The following TRPC3 variants were observed in gnomAD, a reference collection of about 807,000 sequenced individuals.
TRPC3 encodes transient receptor potential cation channel subfamily C member 3, also known as short transient receptor potential channel 3.
A neutral mutation model predicts 90.9 loss-of-function variants in TRPC3; 54 were observed. The ratio of observed to expected loss-of-function variants is 0.59; its 90% confidence interval spans 0.48 to 0.75. The LOEUF is 0.75. Among genes scored for constraint, TRPC3 ranks in the 30% least tolerant of loss-of-function variants. TRPC3 has a pLI of 0.00. For missense variants in TRPC3, 918 were observed against 1,194.5 expected, an observed-to-expected ratio of 0.77 and a Z score of 3.41; for synonymous variants, 424 against 450.9, an observed-to-expected ratio of 0.94 and a Z score of 0.75.
intron 1 of TRPC3, among the ~76,000 whole-genome samples, chr4:121,935,031 A>G (rs938879677): frequency 3.9e-5 from 6 of 152,218 alleles, no homozygotes; most frequent in African/African-American, 1.4e-4. Flanking sequence ...CTAGAAATCA[A>G]CACATGAAGA....
chr4:121,885,777 T>A (rs1398113385), intron 10 of TRPC3, among the ~76,000 whole-genome samples: 1 of 151,498 alleles, frequency 6.6e-6, no homozygotes, highest in African/African-American at 2.4e-5. Flanking sequence ...AACTGACCAA[T>A]AACAGATTCA....
chr4:121,919,575 G>A (rs532502827), intron 3 of TRPC3, among the ~76,000 whole-genome samples: 62 of 152,222 alleles, frequency 4.1e-4, no homozygotes, highest in Non-Finnish European at 7.2e-4. Flanking sequence ...GGACTGTGCC[G>A]GCCAGCACAC....
At chr4:121,942,895 C>T (rs1197688875) in intron 1 of TRPC3, among the ~76,000 whole-genome samples, 1 of 152,148 alleles carries the variant, frequency 6.6e-6, no homozygotes, top group Non-Finnish European at 1.5e-5. Flanking sequence ...AACGTATGTG[C>T]CCAAGAAAGT....
chr4:121,898,795 T>A (rs1236254385), intron 10 of TRPC3, among the ~76,000 whole-genome samples: 1 of 152,128 alleles, frequency 6.6e-6, no homozygotes, highest in East Asian at 1.9e-4. Flanking sequence ...AGTATAATTA[T>A]TTATCAATTA....
chr4:121,915,842 C>A (rs1729297452), intron 3 of TRPC3, among the ~76,000 whole-genome samples: 1 of 152,186 alleles, frequency 6.6e-6, no homozygotes, highest in South Asian at 2.1e-4. Flanking sequence ...AAAATCTGCC[C>A]ATTTGTAGCT....
chr4:121,904,941 T>C (rs1255087047), intron 7 of TRPC3, among the ~76,000 whole-genome samples: 1 of 152,150 alleles, frequency 6.6e-6, no homozygotes, highest in Admixed American at 6.6e-5. Context: ...TGTAAAAACA[T>C]ATTCCTTGCA....
At chr4:121,900,763 T>C (rs746132462) in intron 9 of TRPC3, among the ~76,000 whole-genome samples, 1 of 152,258 alleles carries the variant, frequency 6.6e-6, no homozygotes, top group Admixed American at 6.5e-5. Context: ...AACAGCTATA[T>C]GCAAAATTTT....
At chr4:121,935,396 T>C (rs1730094637) in intron 1 of TRPC3, among the ~76,000 whole-genome samples, 1 of 149,172 alleles carries the variant, frequency 6.7e-6, no homozygotes. Flanking sequence ...AGGGTGCAAG[T>C]CTGAGTTGGG....
intron 10 of TRPC3, among the ~76,000 whole-genome samples, chr4:121,885,126 A>T (rs557210978): frequency 6.6e-6 from 1 of 152,320 alleles, no homozygotes; most frequent in African/African-American, 2.4e-5. Flanking sequence ...GGTACCTGAG[A>T]TTAGACAGAA....
intron 10 of TRPC3, among the ~76,000 whole-genome samples, chr4:121,885,911 C>T (rs1361110344): frequency 6.6e-6 from 1 of 152,158 alleles, no homozygotes; most frequent in Non-Finnish European, 1.5e-5. Flanking sequence ...GTGAGTCACT[C>T]TTTAAGGAAG....
intron 10 of TRPC3, among the ~76,000 whole-genome samples, chr4:121,883,635 TAGAA>T (rs1241492981): frequency 6.6e-6 from 1 of 152,238 alleles, no homozygotes; most frequent in Non-Finnish European, 1.5e-5. Context: ...TGCCAAGTGT[TAGAA>T]AGGATATGGA....
At position 121,879,149 on chromosome 4, in the gene TRPC3, T is replaced by C. The variant is rs949852389; in HGVS notation, c.*587A>G. On this transcript the variant is annotated 3_prime_UTR_variant, in exon 12 of 12. Coordinates refer to ENST00000379645, the MANE Select transcript of TRPC3 (RefSeq NM_001130698.2). ...AAATTCTTCACTTGGGGCTCAGTGG[T>C]TCTAGGATTATCAGTGACACCTAAA... The C allele has an allele frequency of 6.6e-6, 1 of 152,032 alleles. No homozygotes were observed. Among genetic ancestry groups the C allele is most frequent in the Admixed American group, 6.6e-5 (1 of 15,256 alleles). The allele number at this position is 152,032 out of a possible 1,614,324, so 9.4% of individuals were successfully genotyped here.
At chr4:121,915,686 C>T (rs1005554156) in intron 3 of TRPC3, among the ~76,000 whole-genome samples, 2 of 152,056 alleles carry the variant, frequency 1.3e-5, no homozygotes, top group Non-Finnish European at 2.9e-5. Flanking sequence ...TATTTCAGCC[C>T]AGCCATTTGA....
At chr4:121,943,959 C>T (rs1730406012) in intron 1 of TRPC3, among the ~76,000 whole-genome samples, 1 of 151,790 alleles carries the variant, frequency 6.6e-6, no homozygotes, top group African/African-American at 2.4e-5. Context: ...GACAAATATA[C>T]CTGACCTAAA....
At chr4:121,917,407 T>C (rs932715653) in intron 3 of TRPC3, among the ~76,000 whole-genome samples, 1 of 152,186 alleles carries the variant, frequency 6.6e-6, no homozygotes, top group African/African-American at 2.4e-5. Context: ...TCTCCCTCTA[T>C]GGTCCCTAAA....
At chr4:121,885,345 A>G (rs925113917) in intron 10 of TRPC3, among the ~76,000 whole-genome samples, 1 of 152,142 alleles carries the variant, frequency 6.6e-6, no homozygotes, top group African/African-American at 2.4e-5. Flanking sequence ...CTCTCCCCCT[A>G]TCGCAATAGT....
chr4:121,887,500 C>G (rs1440167541), intron 10 of TRPC3, among the ~76,000 whole-genome samples: 1 of 152,124 alleles, frequency 6.6e-6, no homozygotes, highest in East Asian at 1.9e-4. Context: ...CTCATTTTGC[C>G]CCATTTAGAG....
At chr4:121,885,880 T>C (rs1728097709) in intron 10 of TRPC3, among the ~76,000 whole-genome samples, 1 of 152,164 alleles carries the variant, frequency 6.6e-6, no homozygotes, top group Non-Finnish European at 1.5e-5. Context: ...AGAAATTATA[T>C]AGCTTTCTTG....
Position 121,912,022 on chromosome 4 carries a change from A to T in TRPC3, c.1413T>A (p.Gly471=). The T allele has an allele frequency of 6.2e-7, 1 of 1,613,918 alleles. No individual in the cohort carries two copies. Among genetic ancestry groups the T allele is most frequent in the Non-Finnish European group, 8.5e-7 (1 of 1,179,864 alleles). ...TGTCTGAGGCATTGAACACAAGCAGACCCAGGAAGATGATGAAAGAAGCTG... is the reference window on the plus strand; with the variant it reads ...TGTCTGAGGCATTGAACACAAGCAGTCCCAGGAAGATGATGAAAGAAGCTG... ...AHAASFIIFL[G]LLVFNASDRF... The change falls in exon 5 of 12, where the codon GGT becomes GGA. Residue 471 remains glycine, a synonymous_variant. Transcript: ENST00000379645.
Sources: allele counts gnomAD v4.1 joint callset (sites outside exome capture counted in the v4.1 genomes callset), GRCh38; gene constraint gnomAD v4.1.1; transcripts MANE v1.5; gene names NCBI Gene and HGNC (gene_info 2026-07-23, HGNC 2026-07-21).